Variants in CACNA1B observed in about 807,000 individuals in gnomAD.
CACNA1B encodes the protein voltage-dependent N-type calcium channel subunit alpha-1B.
Under a neutral mutation model 247.2 loss-of-function variants are expected in CACNA1B, and 70 were observed. That is an observed-to-expected ratio of 0.28 (90% CI 0.23 to 0.35). CACNA1B has a LOEUF of 0.35. Ranked by LOEUF, CACNA1B falls within the 10% of genes least tolerant of loss-of-function variation. The pLI, the probability that CACNA1B is intolerant of heterozygous loss-of-function variation, is 1.00. For missense variants in CACNA1B, 2,367 were observed against 3,197.4 expected (o/e 0.74, Z 6.26); for synonymous variants, 1,231 against 1,294.4 (o/e 0.95, Z 1.05).
chr9:138,110,493 G>A (rs11137372), intron 39 of CACNA1B, among the ~76,000 whole-genome samples: 78,703 of 151,928 alleles, frequency 0.52, 21,934 homozygotes, highest in African/African-American at 0.73. Flanking sequence ...TTTGAGAGAA[G>A]AGGTGGGAAG....
intron 10 of CACNA1B, among the ~76,000 whole-genome samples, chr9:137,967,730 C>A (rs1041308747): frequency 6.6e-6 from 1 of 152,184 alleles, no homozygotes; most frequent in East Asian, 1.9e-4. Context: ...CATGAGGCAT[C>A]GGACACTCGG....
rs374637604 is a variant in CACNA1B at position 137,898,871 on chromosome 9, C to T, written c.531-14309C>T. ...TAATTTTTTGTATTTTTAGTAGAGA[C>T]GGGGTTTCACCATGTTAGCCAGGAT... is the stretch of plus-strand genomic sequence containing the variant. On this transcript the variant is annotated intron_variant, in intron 3 of 46. Transcript: ENST00000371372. Among the ~76,000 whole-genome samples, 433 of 151,792 alleles carry T rather than the reference C, an allele frequency of 2.9e-3. 1 individual carries two copies. Among genetic ancestry groups the T allele is most frequent in the African/African-American group, 9.7e-3 (403 of 41,376 alleles).
chr9:137,908,309 A>G (rs966295916), intron 3 of CACNA1B, among the ~76,000 whole-genome samples: 11 of 152,246 alleles, frequency 7.2e-5, no homozygotes, highest in Admixed American at 7.2e-4. Context: ...TGAGGTCAGG[A>G]GTTCGAGACC....
At chr9:138,082,304 A>T (rs1439151641) in intron 36 of CACNA1B, among the ~76,000 whole-genome samples, 2 of 151,376 alleles carry the variant, frequency 1.3e-5, no homozygotes, top group Admixed American at 1.3e-4. Context: ...TAAATTTAAC[A>T]GAGTTTAATT....
chr9:138,102,847 G>C lies in CACNA1B; in HGVS notation c.5319+40G>C, dbSNP rs1193642371. The C allele has an allele frequency of 1.5e-6, 2 of 1,341,298 alleles. No individual in the cohort carries two copies. Among genetic ancestry groups the C allele is most frequent in the Admixed American group, 3.5e-5 (2 of 56,542 alleles). 83.1% of individuals were successfully genotyped at this position (1,341,298 alleles called of 1,614,324 possible). A position where few individuals can be genotyped will look rare whatever the true frequency, so the allele number is the denominator to read the frequency against. On this transcript the variant is annotated intron_variant, in intron 38 of 46. Coordinates refer to ENST00000371372, the MANE Select transcript of CACNA1B (RefSeq NM_000718.4). The surrounding 1 kb of genome is among the most constrained non-coding windows in gnomAD (Gnocchi z 5.4). ...TGCAACCCGCCCCCCAGGAGGCTGT[G>C]TGTGCTTGCTGAGGGGTGCTTGCTG...
chr9:138,023,003 C>T lies in CACNA1B; in HGVS notation c.2268-8C>T. The T allele has an allele frequency of 6.7e-7, 1 of 1,493,232 alleles. No individual in the cohort carries two copies. The highest frequency in any genetic ancestry group is 8.9e-7 in the Non-Finnish European group (1 of 1,128,792). The allele number at this position is 1,493,232 out of a possible 1,614,324, so 92.5% of individuals were successfully genotyped here. On this transcript the variant is annotated splice_polypyrimidine_tract_variant and splice_region_variant and intron_variant, in intron 18 of 46. Transcript: ENST00000371372. ...ACGGGGCCGCGCTCACCGCCAGTCT[C>T]CCCGCAGCAGGCAGCAGAACTCGGC...
chr9:138,099,232 C>T (rs1023553607), intron 37 of CACNA1B, among the ~76,000 whole-genome samples: 12 of 152,328 alleles, frequency 7.9e-5, no homozygotes, highest in African/African-American at 1.4e-4. Flanking sequence ...GTGTTGTGCA[C>T]GCATGCACAC....
At chr9:138,066,568 G>C (rs980577290) in intron 31 of CACNA1B, among the ~76,000 whole-genome samples, 1 of 152,176 alleles carries the variant, frequency 6.6e-6, no homozygotes, top group Non-Finnish European at 1.5e-5. Flanking sequence ...CAGAAGCAGA[G>C]CGATCACAGG....
chr9:138,043,581 C>T (rs186801031), intron 20 of CACNA1B, among the ~76,000 whole-genome samples, 193 bp from the exon 21 acceptor site: 161 of 152,276 alleles, frequency 1.1e-3, no homozygotes, highest in Admixed American at 2.5e-3. Context: ...AGCGTCTCTG[C>T]GGCAGATGGT....
intron 11 of CACNA1B, among the ~76,000 whole-genome samples, chr9:137,972,098 T>C (rs1958159251): frequency 6.7e-6 from 1 of 148,692 alleles, no homozygotes; most frequent in South Asian, 2.1e-4. Context: ...TACAATTGGC[T>C]AAATCTGGAT....
chr9:138,109,329 G>A (rs574548726), intron 39 of CACNA1B, among the ~76,000 whole-genome samples: 3 of 152,272 alleles, frequency 2.0e-5, no homozygotes, highest in South Asian at 2.1e-4. Context: ...TAGCTTGCTC[G>A]GGCTGCCCCA....
intron 20 of CACNA1B, among the ~76,000 whole-genome samples, chr9:138,026,118 C>A (rs1958918104): frequency 6.6e-6 from 1 of 152,230 alleles, no homozygotes; most frequent in Non-Finnish European, 1.5e-5. Flanking sequence ...AGACAGATCT[C>A]CAGACACACA....
intron 6 of CACNA1B, among the ~76,000 whole-genome samples, chr9:137,949,225 T>TG: frequency 4.6e-5 from 3 of 64,704 alleles, no homozygotes; most frequent in South Asian, 9.8e-4. Flanking sequence ...GGTGTGAGTG[T>TG]GTGTGTGGTG....
intron 12 of CACNA1B, among the ~76,000 whole-genome samples, chr9:137,981,274 C>G (rs560106835): frequency 6.6e-6 from 1 of 152,112 alleles, no homozygotes; most frequent in Non-Finnish European, 1.5e-5. Context: ...TTGCTGAGAC[C>G]TTGCCATTAT....
intron 39 of CACNA1B, among the ~76,000 whole-genome samples, chr9:138,111,788 G>A (rs1961643230): frequency 6.6e-6 from 1 of 152,076 alleles, no homozygotes; most frequent in South Asian, 2.1e-4. Context: ...GACACAGCAG[G>A]GCCAGTGTAC....
chr9:138,115,786 G>A, intron 42 of CACNA1B, 107 bp downstream of exon 42: 1 of 1,223,472 alleles, frequency 8.2e-7, no homozygotes, highest in Non-Finnish European at 1.1e-6. Flanking sequence ...CACTTCCACT[G>A]GCCTCTGGGT....
In CACNA1B at chr9:138,121,323, C is replaced by A; in HGVS notation, c.6490-146C>A. Reference sequence around the variant, plus strand: ...CCCGCACACAGGTGCCTGTTGCCTCCCTGGTCACCGCAGCCCGTTGTCCCC... The same window carrying A: ...CCCGCACACAGGTGCCTGTTGCCTCACTGGTCACCGCAGCCCGTTGTCCCC... On this transcript the variant is annotated intron_variant, in intron 46 of 46. Coordinates refer to ENST00000371372, the MANE Select transcript of CACNA1B (RefSeq NM_000718.4). This position sits in a 1 kb window ranked among gnomAD's most constrained non-coding sequence, Gnocchi z 6.8. The A allele has an allele frequency of 1.6e-6, 1 of 623,582 alleles. No individual in the cohort carries two copies. The highest frequency in any genetic ancestry group is 2.3e-5 in the South Asian group (1 of 42,784). 38.6% of individuals were successfully genotyped at this position (623,582 alleles called of 1,614,324 possible).
chr9:138,092,301 A>G (rs1394615797), intron 36 of CACNA1B, among the ~76,000 whole-genome samples: 1 of 152,188 alleles, frequency 6.6e-6, no homozygotes, highest in Non-Finnish European at 1.5e-5. Context: ...CGTCAACCAC[A>G]TAAGGCACAC....
intron 6 of CACNA1B, among the ~76,000 whole-genome samples, chr9:137,948,706 T>TGTGTGTGTGGTGTATGTGGTGTGTGTA (rs1200365174): frequency 6.6e-6 from 1 of 150,584 alleles, no homozygotes; most frequent in African/African-American, 2.4e-5. Flanking sequence ...GTGTGTCTGG[T>TGTGTGTGTGGTGTATGTGGTGTGTGTA]GTGTGTGTGG....
Sources: allele counts gnomAD v4.1 joint callset (sites outside exome capture counted in the v4.1 genomes callset), GRCh38; gene constraint gnomAD v4.1.1; non-coding constraint Gnocchi (gnomAD v3.1); transcripts MANE v1.5; gene names NCBI Gene and HGNC (gene_info 2026-07-23, HGNC 2026-07-21).